The following SPON1 variants were observed in gnomAD, a reference collection of about 807,000 sequenced individuals.
SPON1 encodes spondin-1.
Under a neutral mutation model 111.7 loss-of-function variants are expected in SPON1, and 52 were observed. That is an observed-to-expected ratio of 0.47 (90% CI 0.37 to 0.59). SPON1 has a LOEUF of 0.59. Ranked by LOEUF, SPON1 falls within the 20% of genes least tolerant of loss-of-function variation. The pLI, the probability that SPON1 is intolerant of heterozygous loss-of-function variation, is 0.00. For missense variants in SPON1, 957 were observed against 1,068.5 expected (o/e 0.90, Z 1.46); for synonymous variants, 410 against 395.8 (o/e 1.04, Z -0.43).
chr11:13,988,906 T>C, intron 2 of SPON1, among the ~76,000 whole-genome samples: 1 of 152,210 alleles, frequency 6.6e-6, no homozygotes, highest in Admixed American at 6.5e-5. Context: ...GCTGACTTGA[T>C]CGTGGTGGAT....
At chr11:14,155,130 C>T (rs1381053017) in intron 6 of SPON1, among the ~76,000 whole-genome samples, 2 of 152,194 alleles carry the variant, frequency 1.3e-5, no homozygotes, top group Non-Finnish European at 2.9e-5. Flanking sequence ...TGGAAAGTTC[C>T]AAACTTTCCC....
At chr11:14,064,706 T>A (rs998929038) in intron 3 of SPON1, among the ~76,000 whole-genome samples, 1 of 152,044 alleles carries the variant, frequency 6.6e-6, no homozygotes, top group African/African-American at 2.4e-5. Flanking sequence ...TTGCTAACAA[T>A]GTGTGAAAGA....
intron 3 of SPON1, among the ~76,000 whole-genome samples, chr11:14,070,071 G>T (rs1554920756): frequency 6.6e-6 from 1 of 152,122 alleles, no homozygotes; most frequent in Non-Finnish European, 1.5e-5. Flanking sequence ...GTTAGCCCTT[G>T]GCATCCTTGT....
intron 2 of SPON1, among the ~76,000 whole-genome samples, chr11:13,989,308 T>G (rs1257419675): frequency 6.6e-6 from 1 of 152,262 alleles, no homozygotes; most frequent in Non-Finnish European, 1.5e-5. Flanking sequence ...TTTATCCATT[T>G]CTTCTAGATT....
At chr11:14,071,182 A>G (rs1479634883) in intron 3 of SPON1, among the ~76,000 whole-genome samples, 1 of 152,134 alleles carries the variant, frequency 6.6e-6, no homozygotes, top group Non-Finnish European at 1.5e-5. Context: ...GCTGAGTTTT[A>G]TAGTTTTGAT....
Position 13,970,174 on chromosome 11 carries a change from G to A in SPON1, c.238+7032G>A, listed in dbSNP as rs782790517. Among the ~76,000 whole-genome samples, 3 of 152,322 alleles carry A rather than the reference G, an allele frequency of 2.0e-5. No homozygotes were observed. In the East Asian group the frequency reaches 5.8e-4, roughly 29 times the overall value. On this transcript the variant is annotated intron_variant, in intron 1 of 15. Coordinates refer to ENST00000576479, the MANE Select transcript of SPON1 (RefSeq NM_006108.4). ...TTGTGATGCTTGTCAGCTCCTGCTG[G>A]TATAAAATGCCCCACTTTTACAGAA...
chr11:14,028,319 T>C (rs1431181733), intron 2 of SPON1, among the ~76,000 whole-genome samples: 2 of 151,678 alleles, frequency 1.3e-5, no homozygotes, highest in East Asian at 3.9e-4. Context: ...CTCTACAAAA[T>C]ATAAAAAATA....
intron 3 of SPON1, among the ~76,000 whole-genome samples, chr11:14,054,856 C>T (rs541650167): frequency 6.6e-6 from 1 of 152,296 alleles, no homozygotes; most frequent in African/African-American, 2.4e-5. Flanking sequence ...GGCCAGGCAG[C>T]TGGCTTTGTA....
At chr11:14,043,698 G>T (rs1367357946) in intron 3 of SPON1, among the ~76,000 whole-genome samples, 1 of 152,130 alleles carries the variant, frequency 6.6e-6, no homozygotes, top group Non-Finnish European at 1.5e-5. Context: ...CATCCCTCTG[G>T]CCCAGATCTC....
At chr11:14,019,558 T>C (rs1848466185) in intron 2 of SPON1, among the ~76,000 whole-genome samples, 1 of 152,108 alleles carries the variant, frequency 6.6e-6, no homozygotes, top group South Asian at 2.1e-4. Flanking sequence ...TTATATATGA[T>C]CATTATGTAT....
chr11:14,150,205 G>A (rs1230993024), intron 6 of SPON1, among the ~76,000 whole-genome samples: 3 of 152,136 alleles, frequency 2.0e-5, no homozygotes, highest in Non-Finnish European at 4.4e-5. Flanking sequence ...TTTGTTAAGT[G>A]ATAATAAGCC....
rs371134524 is a variant in SPON1 at position 14,221,485 on chromosome 11, A to C, written c.826-21847A>C. Among the ~76,000 whole-genome samples the C allele has an allele frequency of 7.2e-5, 11 of 152,234 alleles. No individual in the cohort carries two copies. The East Asian group carries it at 1.2e-3, about 16-fold the overall frequency. On this transcript the variant is annotated intron_variant, in intron 6 of 15. Coordinates refer to ENST00000576479, the MANE Select transcript of SPON1 (RefSeq NM_006108.4). ...ACTACACCTGGAATTTGGACTTAGA[A>C]CATAAACACATTTTTAAAACATTAT...
chr11:14,137,466 ACCTT>A (rs1403142107), intron 6 of SPON1, among the ~76,000 whole-genome samples: 3 of 152,118 alleles, frequency 2.0e-5, no homozygotes, highest in African/African-American at 7.2e-5. Flanking sequence ...GCCTGTCACC[ACCTT>A]TCAGGCCCCC....
Position 14,129,949 on chromosome 11 carries a change from C to T in SPON1, c.677-5471C>T, listed in dbSNP as rs149168103. On this transcript the variant is annotated intron_variant, in intron 5 of 15. Coordinates refer to ENST00000576479, the MANE Select transcript of SPON1 (RefSeq NM_006108.4). Reference sequence around the variant, plus strand: ...GATCTCATGAGAACTCACTCACTATCATGAGAACAGCATAAGGGAAACTGC... The same window carrying T: ...GATCTCATGAGAACTCACTCACTATTATGAGAACAGCATAAGGGAAACTGC... Among the ~76,000 whole-genome samples the T allele has an allele frequency of 2.5e-3, 386 of 152,166 alleles. 3 individuals carry two copies. The highest frequency in any genetic ancestry group is 7.9e-3 in the African/African-American group (329 of 41,416).
At chr11:14,180,101 C>T (rs1031801440) in intron 6 of SPON1, among the ~76,000 whole-genome samples, 12 of 152,160 alleles carry the variant, frequency 7.9e-5, no homozygotes, top group African/African-American at 2.9e-4. Context: ...CTGCCCCTCC[C>T]CATAGGTGAC....
intron 3 of SPON1, among the ~76,000 whole-genome samples, chr11:14,061,568 A>C (rs1022394076): frequency 1.3e-5 from 2 of 152,286 alleles, no homozygotes; most frequent in Non-Finnish European, 2.9e-5. Flanking sequence ...CACTTCCAGT[A>C]AATCATGGAG....
rs186370880 is a variant in SPON1 at position 14,261,293 on chromosome 11, A to G, written c.1996+541A>G. Among the ~76,000 whole-genome samples, 59 of 152,214 alleles carry G rather than the reference A, an allele frequency of 3.9e-4. 1 individual carries two copies. Among genetic ancestry groups the G allele is most frequent in the Non-Finnish European group, 1.8e-4 (12 of 68,010 alleles). On this transcript the variant is annotated intron_variant, in intron 14 of 15. Transcript: ENST00000576479. The stretch of plus-strand genomic sequence containing the variant: ...CAGCTGTTTATATTACATGGGACTA[A>G]TCTCCAAGCAGAGCAAGCCAGTTTC...
intron 3 of SPON1, among the ~76,000 whole-genome samples, chr11:14,061,755 T>G (rs1848792591): frequency 1.3e-5 from 2 of 152,236 alleles, no homozygotes; most frequent in African/African-American, 2.4e-5. Flanking sequence ...CAGCTGCAGC[T>G]CCAAAAGCTG....
At chr11:14,201,482 T>G (rs1162198732) in intron 6 of SPON1, among the ~76,000 whole-genome samples, 9 of 151,884 alleles carry the variant, frequency 5.9e-5, no homozygotes, top group Admixed American at 5.2e-4. Context: ...CAGTGCAGCC[T>G]CAACCTCCCG....
Sources: allele counts gnomAD v4.1 joint callset (sites outside exome capture counted in the v4.1 genomes callset), GRCh38; gene constraint gnomAD v4.1.1; transcripts MANE v1.5; gene names NCBI Gene and HGNC (gene_info 2026-07-23, HGNC 2026-07-21).